SCIN: variants seen among roughly 807,000 people sequenced by gnomAD.
SCIN encodes the protein scinderin.
Under a neutral mutation model 91.8 loss-of-function variants are expected in SCIN, and 91 were observed. The ratio of observed to expected loss-of-function variants is 0.99; its 90% confidence interval spans 0.84 to 1.18. The LOEUF is 1.18. Ranked by LOEUF, SCIN falls within the 50% of genes most tolerant of loss-of-function variation. The pLI is 0.00. For missense variants in SCIN, 1,087 were observed against 863.9 expected (o/e 1.26, Z -3.24); for synonymous variants, 367 against 312.6 (o/e 1.17, Z -1.84).
At chr7:12,589,278 A>G (rs1193813386) in intron 3 of SCIN, among the ~76,000 whole-genome samples, 3 of 143,558 alleles carry the variant, frequency 2.1e-5, no homozygotes, top group African/African-American at 7.9e-5. Flanking sequence ...GTGCAGTGGC[A>G]TCATCTCTGC....
In SCIN at chr7:12,581,206, C is replaced by A; in HGVS notation, c.501C>A (p.Ile167=). 1 of 1,551,414 alleles carries A rather than the reference C, an allele frequency of 6.4e-7. No homozygotes were observed. Among genetic ancestry groups the A allele is most frequent in the Non-Finnish European group, 8.7e-7 (1 of 1,146,748 alleles). The change falls in exon 3 of 16, where the codon ATC becomes ATA. Residue 167 remains isoleucine (I), a synonymous_variant. Transcript: ENST00000297029. ...WDSFNKGDCF[I]IDLGTEIYQW... ...GTTTCAACAAGGGTGACTGCTTCAT[C>A]ATTGACCTTGGCACCGTAAGTTTCA...
intron 5 of SCIN, among the ~76,000 whole-genome samples, chr7:12,623,820 AT>A (rs528913770): frequency 5.3e-5 from 8 of 152,136 alleles, no homozygotes; most frequent in South Asian, 2.1e-4. Flanking sequence ...GAATAAGTGG[AT>A]TTTTTTTCTT....
In SCIN at chr7:12,652,746, A is replaced by G. The variant is rs1359310091; in HGVS notation, c.*31A>G. On this transcript the variant is annotated 3_prime_UTR_variant, in exon 16 of 16. Transcript: ENST00000297029. The stretch of plus-strand genomic sequence containing the variant: ...TATTTGTAAAAAGCAAACAAACATT[A>G]CAAGGCAGTTATCTCATTGCTGTTT... 2 of 1,588,848 alleles carry G rather than the reference A, an allele frequency of 1.3e-6. No homozygotes were observed. Among genetic ancestry groups the G allele is most frequent in the East Asian group, 4.6e-5 (2 of 43,616 alleles).
intron 1 of SCIN, among the ~76,000 whole-genome samples, chr7:12,574,372 TAGG>T: frequency 6.6e-6 from 1 of 152,174 alleles, no homozygotes; most frequent in Non-Finnish European, 1.5e-5. Context: ...TGGTTACAGA[TAGG>T]GTGAAGAGGG....
chr7:12,582,506 A>G (rs1782507811), intron 3 of SCIN, among the ~76,000 whole-genome samples: 1 of 152,188 alleles, frequency 6.6e-6, no homozygotes, highest in African/African-American at 2.4e-5. Flanking sequence ...GTCTTGGATC[A>G]TACCAGCTTG....
Position 12,581,907 on chromosome 7 carries a change from T to C in SCIN, c.516+686T>C, listed in dbSNP as rs184630123. Among the ~76,000 whole-genome samples the C allele has an allele frequency of 2.8e-3, 431 of 152,306 alleles. 2 individuals are homozygous for C. The highest frequency in any genetic ancestry group is 0.01 in the African/African-American group (419 of 41,560). ...TGTCTTTAAAACTTTGTGAAGTTTTTATAATAGAAATAAAGAGCATTTCCC... is the reference window on the plus strand; with the variant it reads ...TGTCTTTAAAACTTTGTGAAGTTTTCATAATAGAAATAAAGAGCATTTCCC... On this transcript the variant is annotated intron_variant, in intron 3 of 15. Coordinates refer to ENST00000297029, the MANE Select transcript of SCIN (RefSeq NM_001112706.3).
chr7:12,640,453 C>G lies in SCIN; in HGVS notation c.1517C>G (p.Pro506Arg). The G allele has an allele frequency of 1.2e-6, 2 of 1,613,322 alleles. No individual in the cohort carries two copies. Among genetic ancestry groups the G allele is most frequent in the Non-Finnish European group, 8.5e-7 (1 of 1,179,610 alleles). ...NGTSKKGGQA[P>R]APPTRLFQVR... ...ACATCAAAGAAAGGAGGTCAGGCAC[C>G]TGCTCCCCCTACACGCCTCTTTCAA... The change falls in exon 11 of 16, where the codon CCT (proline) becomes CGT (arginine). Residue 506 changes from proline to arginine, a missense_variant. Transcript: ENST00000297029.
chr7:12,616,719 C>T (rs1783306398), intron 4 of SCIN, among the ~76,000 whole-genome samples: 1 of 151,884 alleles, frequency 6.6e-6, no homozygotes, highest in Admixed American at 6.6e-5. Context: ...AAAATAAGGT[C>T]GTATGTACAA....
Position 12,626,738 on chromosome 7 carries a change from AC to A in SCIN, c.1137del (p.His379GlnfsTer25), listed in dbSNP as rs767266825. 4 of 1,610,060 alleles carry A rather than the reference AC, an allele frequency of 2.5e-6. No individual in the cohort carries two copies. The African/African-American group carries it at 5.3e-5, about 21-fold the overall frequency. ...KQIPFDASKL[H>X]SSPQMAAQHN... ...ATTCCCTTTGATGCCTCAAAATTAC[AC>A]AGTTCTCCGCAGATGGCAGCCCAGC... On this transcript the variant is annotated frameshift_variant, in exon 8 of 16. Transcript: ENST00000297029. LOFTEE classifies it high-confidence loss of function.
Position 12,625,088 on chromosome 7 carries a change from G to C in SCIN, c.838G>C (p.Glu280Gln). The C allele has an allele frequency of 6.2e-7, 1 of 1,607,004 alleles. No homozygotes were observed. Among genetic ancestry groups the C allele is most frequent in the South Asian group, 1.1e-5 (1 of 89,162 alleles). The change falls in exon 6 of 16, where the codon GAA becomes CAA. Residue 280 changes from glutamate (E) to glutamine (Q), a missense_variant. Glu to Gln is a conservative substitution (Grantham distance 29). Coordinates refer to ENST00000297029, the MANE Select transcript of SCIN (RefSeq NM_001112706.3). ...CTTCTCAATGGCAATGCTGCTGTCT[G>C]AAGAATGCTTTATTTTGGACCACGG... The part of the protein sequence containing the change: ...NPFSMAMLLS[E>Q]ECFILDHGAA...
At chr7:12,635,502 C>A (rs965866277) in intron 9 of SCIN, among the ~76,000 whole-genome samples, 1 of 146,948 alleles carries the variant, frequency 6.8e-6, no homozygotes, top group African/African-American at 2.5e-5. Flanking sequence ...ATCCCAGGTA[C>A]TTGGGAGGCT....
intron 4 of SCIN, among the ~76,000 whole-genome samples, chr7:12,608,929 TA>T (rs1296919876): frequency 6.6e-6 from 1 of 152,218 alleles, no homozygotes; most frequent in East Asian, 1.9e-4. Context: ...CATTACTCTG[TA>T]TTGAGTGCTG....
rs34655310 is a variant in SCIN, at chr7:12,651,549, G to GTT, written c.1960-284_1960-283dup. On this transcript the variant is annotated intron_variant, in intron 14 of 15. Transcript: ENST00000297029. The surrounding 1 kb of genome is among the most constrained non-coding windows in gnomAD (Gnocchi z 5.9). ...AAAAAAAAGTCCACCCAGACAATCT[G>GTT]TTTTTTTTTGTGAAAGATCACTTTA... is the stretch of plus-strand genomic sequence containing the variant. Among the ~76,000 whole-genome samples the GTT allele has an allele frequency of 1.0e-4, 15 of 150,448 alleles. No individual in the cohort carries two copies. The highest frequency in any genetic ancestry group is 6.3e-4 in the South Asian group (3 of 4,746).
chr7:12,601,109 G>A (rs578038408), intron 3 of SCIN, among the ~76,000 whole-genome samples: 71 of 152,268 alleles, frequency 4.7e-4, no homozygotes, highest in African/African-American at 1.6e-3. Flanking sequence ...ATTGCTAGAC[G>A]TAGTCCTTTT....
Position 12,602,145 on chromosome 7 carries a change from G to A in SCIN, c.517-2369G>A, listed in dbSNP as rs1330966042. Among the ~76,000 whole-genome samples, 3 of 152,318 alleles carry A rather than the reference G, an allele frequency of 2.0e-5. No individual in the cohort carries two copies. In the East Asian group the frequency reaches 5.8e-4, roughly 29 times the overall value. ...GAAATAAAGAGAAAGAGTACAAAGA[G>A]AGGAATTTTACAACTGGGCCTCCAG... On this transcript the variant is annotated intron_variant, in intron 3 of 15. Coordinates refer to ENST00000297029, the MANE Select transcript of SCIN (RefSeq NM_001112706.3).
Position 12,571,001 on chromosome 7 carries a change from C to G in SCIN, c.199+16C>G. On this transcript the variant is annotated intron_variant, in intron 1 of 15. Coordinates refer to ENST00000297029, the MANE Select transcript of SCIN (RefSeq NM_001112706.3). ...TTCTGGCTCGGTAAGGGACGGCGGG[C>G]GGCGGGACCCCGACGCACCAAGGCC... is the stretch of plus-strand genomic sequence containing the variant. 3 of 1,542,632 alleles carry G rather than the reference C, an allele frequency of 1.9e-6. No homozygotes were observed. Among genetic ancestry groups the G allele is most frequent in the Middle Eastern group, 1.8e-4 (1 of 5,490 alleles).
In SCIN at chr7:12,626,716, C is replaced by G. The variant is rs199799263; in HGVS notation, c.1114C>G (p.Pro372Ala). 2 of 1,604,064 alleles carry G rather than the reference C, an allele frequency of 1.2e-6. No individual in the cohort carries two copies. The highest frequency in any genetic ancestry group is 1.7e-6 in the Non-Finnish European group (2 of 1,175,130). ...GAAAGTGGCTCAAATAAAACAAATT[C>G]CCTTTGATGCCTCAAAATTACACAG... Reference protein sequence around the residue: ...TEKVAQIKQIPFDASKLHSSP... With the variant: ...TEKVAQIKQIAFDASKLHSSP... The change falls in exon 8 of 16, where the codon CCC becomes GCC. Residue 372 changes from proline to alanine, a missense_variant. By Grantham distance (27) the Pro-to-Ala change is conservative. Coordinates refer to ENST00000297029, the MANE Select transcript of SCIN (RefSeq NM_001112706.3).
chr7:12,575,963 TTACA>T (rs1353530028), intron 1 of SCIN, among the ~76,000 whole-genome samples: 2 of 152,154 alleles, frequency 1.3e-5, no homozygotes, highest in Non-Finnish European at 2.9e-5. Context: ...GCCAACCACA[TTACA>T]TAAGCATCAG....
At chr7:12,587,836 C>G (rs941053159) in intron 3 of SCIN, among the ~76,000 whole-genome samples, 2 of 152,096 alleles carry the variant, frequency 1.3e-5, no homozygotes, top group Admixed American at 6.6e-5. Context: ...TTGAACCAGA[C>G]AAACTAGTCT....
Sources: allele counts gnomAD v4.1 joint callset (sites outside exome capture counted in the v4.1 genomes callset), GRCh38; gene constraint gnomAD v4.1.1; non-coding constraint Gnocchi (gnomAD v3.1); transcripts MANE v1.5; gene names NCBI Gene and HGNC (gene_info 2026-07-23, HGNC 2026-07-21).